EYA3: variants seen among roughly 807,000 people sequenced by gnomAD.
EYA3 encodes EYA transcriptional coactivator and phosphatase 3.
A neutral mutation model predicts 80.0 loss-of-function variants in EYA3; 39 were observed. That is an observed-to-expected ratio of 0.49 (90% CI 0.38 to 0.64). EYA3 has a LOEUF of 0.64. Ranked by LOEUF, EYA3 falls within the 30% of genes least tolerant of loss-of-function variation. EYA3 has a pLI of 0.00. For synonymous variants in EYA3, 206 were observed against 232.8 expected, an observed-to-expected ratio of 0.88 and a Z score of 1.05; for missense variants, 523 against 676.1, an observed-to-expected ratio of 0.77 and a Z score of 2.51.
At chr1:28,049,303 C>G (rs527506095) in intron 2 of EYA3, among the ~76,000 whole-genome samples, 30 of 152,240 alleles carry the variant, frequency 2.0e-4, no homozygotes, top group Non-Finnish European at 3.7e-4. Flanking sequence ...CAACCATGAC[C>G]AGACATTCTT....
intron 10 of EYA3, among the ~76,000 whole-genome samples, chr1:28,008,497 A>G (rs1641457572): frequency 6.6e-6 from 1 of 152,100 alleles, no homozygotes; most frequent in African/African-American, 2.4e-5. Flanking sequence ...AAGCACAAAA[A>G]TTGAGAGAGT....
chr1:28,070,859 G>A (rs940290210), intron 1 of EYA3, among the ~76,000 whole-genome samples: 1 of 152,110 alleles, frequency 6.6e-6, no homozygotes, highest in African/African-American at 2.4e-5. Context: ...TCTTTCCAAC[G>A]CCTTAACAAA....
intron 11 of EYA3, among the ~76,000 whole-genome samples, chr1:28,000,800 C>T (rs1260086841): frequency 4.6e-5 from 7 of 152,144 alleles, no homozygotes; most frequent in South Asian, 2.1e-4. Flanking sequence ...CAGTGGCTCA[C>T]GCCTGTAATC....
chr1:28,035,538 C>A lies in EYA3; in HGVS notation c.361+6G>T. The stretch of plus-strand genomic sequence containing the variant: ...CTTAGAAATTGTTTACAATACAGTG[C>A]CTTACCAAAAGGAGGTAGTCCATAC... On this transcript the variant is annotated splice_donor_region_variant and intron_variant, in intron 6 of 17. Coordinates refer to ENST00000373871, the MANE Select transcript of EYA3 (RefSeq NM_001990.4). 1 of 1,611,308 alleles carries A rather than the reference C, an allele frequency of 6.2e-7. No homozygotes were observed. The highest frequency in any genetic ancestry group is 1.1e-5 in the South Asian group (1 of 90,358).
chr1:27,973,623 A>T lies in EYA3; in HGVS notation c.*843T>A, dbSNP rs1369901533. ...CTAAAGGGAAAAGGGACTGGAAAGA[A>T]GACTAAGGCTTCTAGATGGGAAATG... is the stretch of plus-strand genomic sequence containing the variant. On this transcript the variant is annotated 3_prime_UTR_variant, in exon 18 of 18. Coordinates refer to ENST00000373871, the MANE Select transcript of EYA3 (RefSeq NM_001990.4). 2 of 152,154 alleles carry T rather than the reference A, an allele frequency of 1.3e-5. No individual in the cohort carries two copies. The highest frequency in any genetic ancestry group is 4.8e-5 in the African/African-American group (2 of 41,428). 9.4% of individuals were successfully genotyped at this position (152,154 alleles called of 1,614,324 possible).
intron 2 of EYA3, among the ~76,000 whole-genome samples, chr1:28,050,202 ATTT>A (rs377733875): frequency 0.035 from 4,954 of 142,564 alleles, 245 homozygotes; most frequent in East Asian, 0.24. Flanking sequence ...TATTATTATT[ATTT>A]TTTTTGAGAC....
chr1:28,062,934 G>A (rs564230257), intron 1 of EYA3, among the ~76,000 whole-genome samples: 111 of 151,564 alleles, frequency 7.3e-4, no homozygotes, highest in Non-Finnish European at 1.1e-3. Flanking sequence ...CTCAGAAGGC[G>A]GAGGTTGCAG....
At chr1:28,074,774 T>C (rs1365998746) in intron 1 of EYA3, among the ~76,000 whole-genome samples, 1 of 152,208 alleles carries the variant, frequency 6.6e-6, no homozygotes, top group Non-Finnish European at 1.5e-5. Context: ...TAACAGTCTC[T>C]TGAAAACTAA....
chr1:28,059,461 T>A (rs1236038855), intron 1 of EYA3, among the ~76,000 whole-genome samples: 2 of 152,180 alleles, frequency 1.3e-5, no homozygotes, highest in Non-Finnish European at 2.9e-5. Context: ...CCTGCACTTG[T>A]TTTGCTCAGC....
intron 11 of EYA3, among the ~76,000 whole-genome samples, chr1:28,002,896 G>A (rs543412405): frequency 1.6e-4 from 25 of 151,920 alleles, no homozygotes; most frequent in Admixed American, 9.2e-4. Flanking sequence ...CGAGGCAGGC[G>A]GATCACTTGA....
chr1:28,021,742 T>C (rs1571824276), intron 7 of EYA3, among the ~76,000 whole-genome samples: 1 of 151,910 alleles, frequency 6.6e-6, no homozygotes, highest in South Asian at 2.1e-4. Flanking sequence ...GTAGCTGGGA[T>C]TACAGGTGCC....
In EYA3 at chr1:28,013,339, A is replaced by G. The variant is rs1641822866; in HGVS notation, c.586-45T>C. On this transcript the variant is annotated intron_variant, in intron 8 of 17. Coordinates refer to ENST00000373871, the MANE Select transcript of EYA3 (RefSeq NM_001990.4). The surrounding 1 kb of genome is among the most constrained non-coding windows in gnomAD (Gnocchi z 4.0). Reference sequence around the variant, plus strand: ...AGAAAACAAGACTCTTATAGCATACATTAATCTCAACACAAGAGGCTTTCT... The same window carrying G: ...AGAAAACAAGACTCTTATAGCATACGTTAATCTCAACACAAGAGGCTTTCT... 7.0e-7 allele frequency: 1 copy of G among 1,438,376 alleles called. No individual in the cohort carries two copies. The highest frequency in any genetic ancestry group is 9.3e-7 in the Non-Finnish European group (1 of 1,073,760). 89.1% of individuals were successfully genotyped at this position (1,438,376 alleles called of 1,614,324 possible). A position where few individuals can be genotyped will look rare whatever the true frequency, so the allele number is the denominator to read the frequency against.
At chr1:28,038,135 A>G (rs1332851435) in intron 5 of EYA3, among the ~76,000 whole-genome samples, 1 of 152,166 alleles carries the variant, frequency 6.6e-6, no homozygotes, top group Non-Finnish European at 1.5e-5. Context: ...CTCTGAGGAC[A>G]TTCCTCAATC....
intron 1 of EYA3, among the ~76,000 whole-genome samples, chr1:28,066,740 ATAT>A (rs928595392): frequency 1.3e-5 from 2 of 152,186 alleles, no homozygotes; most frequent in African/African-American, 4.8e-5. Context: ...TAAGATTAAA[ATAT>A]TATAAATTCA....
At chr1:28,011,830 T>A (rs1466200788) in intron 9 of EYA3, among the ~76,000 whole-genome samples, 1 of 152,178 alleles carries the variant, frequency 6.6e-6, no homozygotes, top group African/African-American at 2.4e-5. Context: ...TAATTTTCCC[T>A]CCTCAAATTT....
At chr1:28,051,565 T>C (rs1644251643) in intron 2 of EYA3, among the ~76,000 whole-genome samples, 4 of 152,120 alleles carry the variant, frequency 2.6e-5, no homozygotes. Flanking sequence ...TGCACGCCTA[T>C]AATCTCAGCT....
At position 28,031,564 on chromosome 1, in the gene EYA3, T is replaced by A. The variant is rs115474281; in HGVS notation, c.362-3638A>T. On this transcript the variant is annotated intron_variant, in intron 6 of 17. Coordinates refer to ENST00000373871, the MANE Select transcript of EYA3 (RefSeq NM_001990.4). ...CTCTACCCAAGTTTCTCAGCACAAGTACTTCACTATTGATTAGTCACTATC... is the reference window on the plus strand; with the variant it reads ...CTCTACCCAAGTTTCTCAGCACAAGAACTTCACTATTGATTAGTCACTATC... 4.6e-3 allele frequency among the ~76,000 whole-genome samples: 700 copies of A among 152,356 alleles called. 5 individuals carry two copies. Among genetic ancestry groups the A allele is most frequent in the African/African-American group, 0.016 (670 of 41,580 alleles).
chr1:27,980,199 T>C (rs756411867), intron 16 of EYA3, among the ~76,000 whole-genome samples: 144 of 152,344 alleles, frequency 9.5e-4, no homozygotes, highest in African/African-American at 2.9e-3. Flanking sequence ...GTCCAGGTCT[T>C]ATGCCTCAAT....
In EYA3 at chr1:27,973,741, C is replaced by T. The variant is rs983646151; in HGVS notation, c.*725G>A. 3.9e-5 allele frequency: 6 copies of T among 152,194 alleles called. No individual in the cohort carries two copies. Among genetic ancestry groups the T allele is most frequent in the Non-Finnish European group, 5.9e-5 (4 of 68,044 alleles). The allele number at this position is 152,194 out of a possible 1,614,324, so 9.4% of individuals were successfully genotyped here. A position where few individuals can be genotyped will look rare whatever the true frequency, so the allele number is the denominator to read the frequency against. ...AGGTATCATCCTAGAGAGCAGACCA[C>T]TGGAGCAGCTATAGAGGTGCTACTG... On this transcript the variant is annotated 3_prime_UTR_variant, in exon 18 of 18. Coordinates refer to ENST00000373871, the MANE Select transcript of EYA3 (RefSeq NM_001990.4).
Sources: allele counts gnomAD v4.1 joint callset (sites outside exome capture counted in the v4.1 genomes callset), GRCh38; gene constraint gnomAD v4.1.1; non-coding constraint Gnocchi (gnomAD v3.1); transcripts MANE v1.5; gene names NCBI Gene and HGNC (gene_info 2026-07-23, HGNC 2026-07-21).